ARFRP1: variants seen among roughly 807,000 people sequenced by gnomAD.
ARFRP1 encodes the protein ADP-ribosylation factor-related protein 1.
In ARFRP1, 19 loss-of-function variants were observed where a neutral mutation model predicts 30.3. The observed-to-expected ratio is 0.63, with a 90% CI of 0.44 to 0.92. The LOEUF is 0.92. ARFRP1 is among the 40% of genes least tolerant of loss of function. ARFRP1 has a pLI of 0.00. For missense variants in ARFRP1, 245 were observed against 267.5 expected (o/e 0.92, Z 0.59); for synonymous variants, 133 against 114.2 (o/e 1.16, Z -1.05).
At chr20:63,700,754 C>A in intron 6 of ARFRP1, 52 bp from the exon 7 acceptor site, 1 of 1,589,702 alleles carries the variant, frequency 6.3e-7, no homozygotes, top group Non-Finnish European at 8.5e-7. Context: ...CCCTGTCCTG[C>A]CTGTGGGCCC....
chr20:63,699,402 C>G lies in ARFRP1; in HGVS notation c.*1041G>C, dbSNP rs2091081686. 1 of 152,382 alleles carries G rather than the reference C, an allele frequency of 6.6e-6. No individual in the cohort carries two copies. The highest frequency in any genetic ancestry group is 1.5e-5 in the Non-Finnish European group (1 of 68,176). The allele number at this position is 152,382 out of a possible 1,614,324, so 9.4% of individuals were successfully genotyped here. A position where few individuals can be genotyped will look rare whatever the true frequency, so the allele number is the denominator to read the frequency against. ...GAGTGCCTGGACTCTCCAGGCCCAC[C>G]TGGGGAGCCCCTCACCTGCCCACCA... On this transcript the variant is annotated 3_prime_UTR_variant, in exon 8 of 8. Transcript: ENST00000622789.
intron 1 of ARFRP1, 54 bp from the exon 2 acceptor site, chr20:63,707,151 G>A: frequency 3.3e-6 from 5 of 1,497,382 alleles, no homozygotes; most frequent in Admixed American, 2.0e-5. Flanking sequence ...CCCCTCCCCC[G>A]GGCTTCTCCA....
rs1271127241 is a variant in ARFRP1 at position 63,699,305 on chromosome 20, C to G, written c.*1138G>C. On this transcript the variant is annotated 3_prime_UTR_variant, in exon 8 of 8. Coordinates refer to ENST00000622789, the MANE Select transcript of ARFRP1 (RefSeq NM_001267547.3). ...ACAGCCCCGCAGCTGCTGCGCCACC[C>G]CCACCCTGACTCATGCCCCTTCCCA... The G allele has an allele frequency of 6.6e-6, 1 of 152,362 alleles. No individual in the cohort carries two copies. The highest frequency in any genetic ancestry group is 1.5e-5 in the Non-Finnish European group (1 of 68,190). The allele number at this position is 152,362 out of a possible 1,614,324, so 9.4% of individuals were successfully genotyped here.
chr20:63,700,609 G>A lies in ARFRP1; in HGVS notation c.511C>T (p.Leu171Phe). The A allele has an allele frequency of 1.2e-6, 2 of 1,610,578 alleles. No individual in the cohort carries two copies. The highest frequency in any genetic ancestry group is 1.7e-6 in the Non-Finnish European group (2 of 1,179,816). ...RDCLTQACSA[L>F]TGKGVREGIE... ...GGTGCAGCCCCCACTCACCCTGTGAGGGCCGAGCAGGCCTGGGTCAGGCAA... is the reference window on the plus strand; with the variant it reads ...GGTGCAGCCCCCACTCACCCTGTGAAGGCCGAGCAGGCCTGGGTCAGGCAA... The change falls in exon 7 of 8, where the codon CTC (leucine) becomes TTC (phenylalanine). Residue 171 changes from leucine (L) to phenylalanine (F), a missense_variant. Physicochemically the swap from Leu to Phe is conservative, Grantham distance 22. Transcript: ENST00000622789.
At chr20:63,700,861 C>T (rs976365953) in intron 6 of ARFRP1, 159 bp from the exon 7 acceptor site, 1 of 1,002,110 alleles carries the variant, frequency 1.0e-6, no homozygotes. Flanking sequence ...GCAGTGAGGA[C>T]CCTGTGCTCA....
At chr20:63,702,276 C>CCATGACA in intron 4 of ARFRP1, 59 bp from the exon 5 acceptor site, 1 of 1,520,798 alleles carries the variant, frequency 6.6e-7, no homozygotes, top group Non-Finnish European at 9.1e-7. Context: ...GCCAGCAGAG[C>CCATGACA]CAGGCCTGTG....
rs1171969594 is a variant in ARFRP1 at position 63,699,176 on chromosome 20, C to G, written c.*1267G>C. ...CGCCTCCCCAGCACGGCCAGGTTCC[C>G]GGGGCTGGAGGTCCCCCCCAGGTCC... On this transcript the variant is annotated 3_prime_UTR_variant, in exon 8 of 8. Coordinates refer to ENST00000622789, the MANE Select transcript of ARFRP1 (RefSeq NM_001267547.3). 6.6e-6 allele frequency: 1 copy of G among 152,264 alleles called. No homozygotes were observed. The highest frequency in any genetic ancestry group is 1.5e-5 in the Non-Finnish European group (1 of 68,070). 9.4% of individuals were successfully genotyped at this position (152,264 alleles called of 1,614,324 possible).
chr20:63,706,591 C>T, intron 3 of ARFRP1, 60 bp downstream of exon 3: 7 of 1,534,088 alleles, frequency 4.6e-6, no homozygotes, highest in Non-Finnish European at 5.4e-6. Context: ...GCCAGCTGGA[C>T]TGTGAATATC....
chr20:63,702,325 A>C (rs925087770), intron 4 of ARFRP1, 108 bp from the exon 5 acceptor site: 1 of 1,077,932 alleles, frequency 9.3e-7, no homozygotes, highest in Non-Finnish European at 1.4e-6. Flanking sequence ...GGAAGGGGCA[A>C]GAGGGCAGCC....
rs1490161966 is a variant in ARFRP1, at chr20:63,699,788, C to T, written c.*655G>A. 4.5e-5 allele frequency: 7 copies of T among 154,498 alleles called. No individual in the cohort carries two copies. Among genetic ancestry groups the T allele is most frequent in the Non-Finnish European group, 7.2e-5 (5 of 69,626 alleles). 9.6% of individuals were successfully genotyped at this position (154,498 alleles called of 1,614,324 possible). On this transcript the variant is annotated 3_prime_UTR_variant, in exon 8 of 8. Coordinates refer to ENST00000622789, the MANE Select transcript of ARFRP1 (RefSeq NM_001267547.3). ...TAAAAACAGCCACTCCCAGCAGGCC[C>T]CCTCAGCTTTTTGCATCAGTCAGCT...
At position 63,706,357 on chromosome 20, in the gene ARFRP1, C is replaced by T; in HGVS notation, c.264G>A (p.Lys88=). 6.2e-7 allele frequency: 1 copy of T among 1,613,082 alleles called. No homozygotes were observed. The highest frequency in any genetic ancestry group is 8.5e-7 in the Non-Finnish European group (1 of 1,179,770). Residue 88 remains lysine (K), a splice_region_variant and synonymous_variant, in exon 4 of 8, where the codon AAG becomes AAA. Coordinates refer to ENST00000622789, the MANE Select transcript of ARFRP1 (RefSeq NM_001267547.3). ...GGTGGTCCTGGCCAGGGAGTCTTACCTTGTCCCACAAAGACTGCAGCTCTT... is the reference window on the plus strand; with the variant it reads ...GGTGGTCCTGGCCAGGGAGTCTTACTTTGTCCCACAAAGACTGCAGCTCTT... ...GQEELQSLWD[K]YYAECHGVIY...
intron 6 of ARFRP1, 67 bp from the exon 7 acceptor site, chr20:63,700,769 C>G (rs2091167067): frequency 6.4e-7 from 1 of 1,571,066 alleles, no homozygotes; most frequent in East Asian, 2.3e-5. Context: ...GGGCCCGGGA[C>G]TCTCAGAAGG....
In ARFRP1 at chr20:63,700,530, G is replaced by A. The variant is rs749986322; in HGVS notation, c.519C>T (p.Gly173=). Residue 173 remains glycine, a splice_region_variant and synonymous_variant, in exon 8 of 8, where the codon GGC becomes GGT. Coordinates refer to ENST00000622789, the MANE Select transcript of ARFRP1 (RefSeq NM_001267547.3). ...ACTCGATGCCCTCGCGCACCCCTTT[G>A]CTGTGAAGACAGCGGGTGTGAGGCG... ...CLTQACSALT[G]KGVREGIEWM... is the part of the protein sequence containing the mutation. The A allele has an allele frequency of 1.5e-5, 24 of 1,610,886 alleles. No homozygotes were observed. Among genetic ancestry groups the A allele is most frequent in the Non-Finnish European group, 2.0e-5 (24 of 1,179,864 alleles).
rs1449901615 is a variant in ARFRP1 at position 63,699,113 on chromosome 20, G to A, written c.*1330C>T. The A allele has an allele frequency of 1.3e-5, 2 of 152,154 alleles. No homozygotes were observed. Among genetic ancestry groups the A allele is most frequent in the Admixed American group, 6.5e-5 (1 of 15,270 alleles). The allele number at this position is 152,154 out of a possible 1,614,324, so 9.4% of individuals were successfully genotyped here. A position where few individuals can be genotyped will look rare whatever the true frequency, so the allele number is the denominator to read the frequency against. On this transcript the variant is annotated 3_prime_UTR_variant, in exon 8 of 8. Coordinates refer to ENST00000622789, the MANE Select transcript of ARFRP1 (RefSeq NM_001267547.3). Reference sequence around the variant, plus strand: ...TCTGGGGCAGGCTCTGAAGCCTCCCGATGCACCCAGAGCAACCGGGGGGCT... The same window carrying A: ...TCTGGGGCAGGCTCTGAAGCCTCCCAATGCACCCAGAGCAACCGGGGGGCT...
intron 6 of ARFRP1, 195 bp from the exon 7 acceptor site, chr20:63,700,897 T>C: frequency 1.4e-6 from 1 of 703,304 alleles, no homozygotes; most frequent in Non-Finnish European, 2.3e-6. Context: ...TGGCTGGTAG[T>C]GCCTGAGACA....
At chr20:63,701,998 G>GACCCCCCCCCCCCCCC in intron 5 of ARFRP1, 98 bp from the exon 6 acceptor site, 1 of 583,914 alleles carries the variant, frequency 1.7e-6, no homozygotes, top group Non-Finnish European at 2.6e-6. Flanking sequence ...CACTCCCTCT[G>GACCCCCCCCCCCCCCC]CCCCCCCCCC....
At chr20:63,700,765 G>C in intron 6 of ARFRP1, 63 bp from the exon 7 acceptor site, 1 of 1,575,216 alleles carries the variant, frequency 6.3e-7, no homozygotes, top group Non-Finnish European at 8.6e-7. Flanking sequence ...CTGTGGGCCC[G>C]GGACTCTCAG....
rs557792788 is a variant in ARFRP1 at position 63,699,958 on chromosome 20, A to T, written c.*485T>A. The T allele has an allele frequency of 1.6e-3, 301 of 188,144 alleles. No homozygotes were observed. The highest frequency in any genetic ancestry group is 6.3e-3 in the African/African-American group (267 of 42,614). 11.7% of individuals were successfully genotyped at this position (188,144 alleles called of 1,614,324 possible). A position where few individuals can be genotyped will look rare whatever the true frequency, so the allele number is the denominator to read the frequency against. On this transcript the variant is annotated 3_prime_UTR_variant, in exon 8 of 8. Transcript: ENST00000622789. ...GGGAACATGGCCTGGGTCTTCCTCA[A>T]GGCAAGATCAGCCCCAGACCACTTC...
rs2091082077 is a variant in ARFRP1, at chr20:63,699,411, C to T, written c.*1032G>A. On this transcript the variant is annotated 3_prime_UTR_variant, in exon 8 of 8. Coordinates refer to ENST00000622789, the MANE Select transcript of ARFRP1 (RefSeq NM_001267547.3). Reference sequence around the variant, plus strand: ...GACTCTCCAGGCCCACCTGGGGAGCCCCTCACCTGCCCACCAGCCCCTGAG... The same window carrying T: ...GACTCTCCAGGCCCACCTGGGGAGCTCCTCACCTGCCCACCAGCCCCTGAG... 6.6e-6 allele frequency: 1 copy of T among 152,414 alleles called. No individual in the cohort carries two copies. Among genetic ancestry groups the T allele is most frequent in the Admixed American group, 6.5e-5 (1 of 15,276 alleles). 9.4% of individuals were successfully genotyped at this position (152,414 alleles called of 1,614,324 possible). A position where few individuals can be genotyped will look rare whatever the true frequency, so the allele number is the denominator to read the frequency against.
Sources: gnomAD v4.1 joint callset for allele counts on GRCh38, gnomAD v4.1.1 for gene constraint, MANE v1.5 for transcripts, NCBI Gene and HGNC (gene_info 2026-07-23, HGNC 2026-07-21) for gene names.